The following MCF2L2 variants were observed in gnomAD, a reference collection of about 807,000 sequenced individuals.
MCF2L2 encodes the protein probable guanine nucleotide exchange factor MCF2L2.
MCF2L2 carries 102 observed loss-of-function variants against 150.2 expected under a neutral mutation model. The ratio of observed to expected loss-of-function variants is 0.68; its 90% confidence interval spans 0.58 to 0.80. The LOEUF is 0.80. Among genes scored for constraint, MCF2L2 ranks in the 30% least tolerant of loss-of-function variants. The pLI, the probability that MCF2L2 is intolerant of heterozygous loss-of-function variation, is 0.00. For synonymous variants in MCF2L2, 465 were observed against 491.3 expected, an observed-to-expected ratio of 0.95 and a Z score of 0.71; for missense variants, 1,256 against 1,372.8, an observed-to-expected ratio of 0.91 and a Z score of 1.34.
intron 1 of MCF2L2, among the ~76,000 whole-genome samples, chr3:183,393,930 G>A (rs1453409932): frequency 6.6e-6 from 1 of 152,226 alleles, no homozygotes; most frequent in East Asian, 1.9e-4. Context: ...ATAAAGGGCA[G>A]TGAGACCCTT....
chr3:183,310,321 TGAAACCCCATCTCTAC>T (rs1729306267), intron 9 of MCF2L2, among the ~76,000 whole-genome samples: 1 of 152,000 alleles, frequency 6.6e-6, no homozygotes, highest in Non-Finnish European at 1.5e-5. Flanking sequence ...GCTAACACAG[TGAAACCCCATCTCTAC>T]CAAAAATACA....
chr3:183,396,106 G>A (rs1714442304), intron 1 of MCF2L2, among the ~76,000 whole-genome samples: 1 of 151,706 alleles, frequency 6.6e-6, no homozygotes, highest in East Asian at 1.9e-4. Context: ...GGCACTCATG[G>A]TCCAGTGCTC....
intron 3 of MCF2L2, chr3:183,372,014 T>C (rs1289664346): frequency 7.5e-6 from 1 of 133,498 alleles, no homozygotes; most frequent in East Asian, 2.2e-4. Context: ...TAGGGAGGTA[T>C]ATCGTTTTTT....
intron 1 of MCF2L2, among the ~76,000 whole-genome samples, chr3:183,412,272 A>G (rs375595888): frequency 1.3e-5 from 2 of 149,920 alleles, no homozygotes; most frequent in East Asian, 3.9e-4. Context: ...CTCTTCTCTA[A>G]TTGTTTGTTT....
At chr3:183,304,462 ATTTTT>A (rs36115279) in intron 10 of MCF2L2, among the ~76,000 whole-genome samples, 2,296 of 114,064 alleles carry the variant, frequency 0.02, 77 homozygotes, top group African/African-American at 0.075. Flanking sequence ...CTGGGCAGTG[ATTTTT>A]TTTTTTTTTT....
At chr3:183,418,144 T>C (rs1471654731) in intron 1 of MCF2L2, among the ~76,000 whole-genome samples, 1 of 152,132 alleles carries the variant, frequency 6.6e-6, no homozygotes, top group Non-Finnish European at 1.5e-5. Context: ...GCTGAGATCA[T>C]GCCACTCCAC....
Position 183,181,509 on chromosome 3 carries a change from C to CT in MCF2L2, c.3017-1351dup, listed in dbSNP as rs1387028901. On this transcript the variant is annotated intron_variant, in intron 27 of 29. Transcript: ENST00000328913. The surrounding 1 kb of genome is among the most constrained non-coding windows in gnomAD (Gnocchi z 4.3). Reference sequence around the variant, plus strand: ...AGAAACTGCCTCAGGGATGTGCCCCCTGCCTTCATCCTCCAGACAGGACTT... The same window carrying CT: ...AGAAACTGCCTCAGGGATGTGCCCCCTTGCCTTCATCCTCCAGACAGGACTT... 2.6e-5 allele frequency among the ~76,000 whole-genome samples: 4 copies of CT among 152,242 alleles called. No individual in the cohort carries two copies. The highest frequency in any genetic ancestry group is 1.3e-4 in the Admixed American group (2 of 15,294).
chr3:183,210,986 T>C (rs1047266978), intron 22 of MCF2L2, among the ~76,000 whole-genome samples: 2 of 151,710 alleles, frequency 1.3e-5, no homozygotes, highest in Non-Finnish European at 2.9e-5. Flanking sequence ...CAGGAGGAAG[T>C]GGTGACCAGC....
In MCF2L2 at chr3:183,179,267, C is replaced by T. The variant is rs1382493416; in HGVS notation, c.*113G>A. Reference sequence around the variant, plus strand: ...GCCCTGGTTGTCCCCTTTCTGCCGCCGCCGAGGCTCCGGCTGCTTTCTGCG... The same window carrying T: ...GCCCTGGTTGTCCCCTTTCTGCCGCTGCCGAGGCTCCGGCTGCTTTCTGCG... On this transcript the variant is annotated 3_prime_UTR_variant, in exon 30 of 30. Transcript: ENST00000328913. This position sits in a 1 kb window ranked among gnomAD's most constrained non-coding sequence, Gnocchi z 4.2. The T allele has an allele frequency of 7.5e-7, 1 of 1,329,598 alleles. No homozygotes were observed. The highest frequency in any genetic ancestry group is 9.6e-7 in the Non-Finnish European group (1 of 1,039,276). 82.4% of individuals were successfully genotyped at this position (1,329,598 alleles called of 1,614,324 possible). A position where few individuals can be genotyped will look rare whatever the true frequency, so the allele number is the denominator to read the frequency against.
intron 27 of MCF2L2, among the ~76,000 whole-genome samples, chr3:183,190,416 C>T (rs1198426723): frequency 1.3e-5 from 2 of 152,182 alleles, no homozygotes; most frequent in African/African-American, 4.8e-5. Context: ...CAGTCAGGTT[C>T]CCCAGAAGCA....
In MCF2L2 at chr3:183,199,660, G is replaced by T. The variant is rs9813914; in HGVS notation, c.2885-4405C>A. Among the ~76,000 whole-genome samples, 7 of 145,120 alleles carry T rather than the reference G, an allele frequency of 4.8e-5. No homozygotes were observed. The South Asian group carries it at 1.1e-3, about 22-fold the overall frequency. ...TATTATACTTTAAGTTCTAGGGTAC[G>T]TGTGCACAACATGCAGGTTTGTTAC... On this transcript the variant is annotated intron_variant, in intron 25 of 29. Coordinates refer to ENST00000328913, the MANE Select transcript of MCF2L2 (RefSeq NM_015078.4).
chr3:183,198,890 T>C (rs1281761350), intron 25 of MCF2L2, among the ~76,000 whole-genome samples: 1 of 152,194 alleles, frequency 6.6e-6, no homozygotes, highest in Non-Finnish European at 1.5e-5. Flanking sequence ...CATTCTGTGT[T>C]AAGCCTCTAG....
intron 13 of MCF2L2, among the ~76,000 whole-genome samples, chr3:183,290,753 T>G (rs1015138551): frequency 6.6e-6 from 1 of 152,084 alleles, no homozygotes; most frequent in Non-Finnish European, 1.5e-5. Context: ...AGGATGGTCT[T>G]ACTCTCTTGA....
At chr3:183,302,929 T>C (rs1002495409) in intron 10 of MCF2L2, among the ~76,000 whole-genome samples, 1 of 151,510 alleles carries the variant, frequency 6.6e-6, no homozygotes, top group African/African-American at 2.4e-5. Flanking sequence ...GCGCGGTGGC[T>C]CACACCAGTA....
At chr3:183,315,379 AT>A (rs1729563830) in intron 7 of MCF2L2, among the ~76,000 whole-genome samples, 1 of 152,346 alleles carries the variant, frequency 6.6e-6, no homozygotes, top group African/African-American at 2.4e-5. Flanking sequence ...TCTTAAAATA[AT>A]TTTAGGTCTT....
At position 183,300,132 on chromosome 3, in the gene MCF2L2, T is replaced by A. The variant is rs762633549; in HGVS notation, c.1178A>T (p.Tyr393Phe). ...CCGGGGCCTGATGGCATCTGCTGCATAATGGTGGCTTTGGATGAGCTGGTC... is the reference window on the plus strand; with the variant it reads ...CCGGGGCCTGATGGCATCTGCTGCAAAATGGTGGCTTTGGATGAGCTGGTC... ...VGDQLIQSHH[Y>F]AADAIRPRCV... The change falls in exon 11 of 30, where the codon TAT becomes TTT. Residue 393 changes from tyrosine to phenylalanine, a missense_variant. Transcript: ENST00000328913. 1 of 1,613,954 alleles carries A rather than the reference T, an allele frequency of 6.2e-7. No homozygotes were observed. Among genetic ancestry groups the A allele is most frequent in the South Asian group, 1.1e-5 (1 of 91,046 alleles).
At chr3:183,298,437 TA>T (rs891591713) in intron 11 of MCF2L2, 1 of 152,226 alleles carries the variant, frequency 6.6e-6, no homozygotes, top group African/African-American at 2.4e-5. Flanking sequence ...GTTTTTGTCT[TA>T]TTTTTTTCCT....
At chr3:183,186,964 T>C (rs574924011) in intron 27 of MCF2L2, among the ~76,000 whole-genome samples, 1 of 152,250 alleles carries the variant, frequency 6.6e-6, no homozygotes, top group African/African-American at 2.4e-5. Context: ...ATTTTCTAAA[T>C]TCCTGACATT....
chr3:183,399,797 C>T (rs1327109059), intron 1 of MCF2L2, among the ~76,000 whole-genome samples: 1 of 152,198 alleles, frequency 6.6e-6, no homozygotes, highest in Non-Finnish European at 1.5e-5. Context: ...TGTAGAGCGT[C>T]TCCTGAACTC....
Sources: allele counts gnomAD v4.1 joint callset (sites outside exome capture counted in the v4.1 genomes callset), GRCh38; gene constraint gnomAD v4.1.1; non-coding constraint Gnocchi (gnomAD v3.1); transcripts MANE v1.5; gene names NCBI Gene and HGNC (gene_info 2026-07-23, HGNC 2026-07-21).